Variants in TSPAN17 observed in about 807,000 individuals in gnomAD.
TSPAN17 encodes tetraspanin 17.
In TSPAN17, 33 loss-of-function variants were observed where a neutral mutation model predicts 40.5. The ratio of observed to expected loss-of-function variants is 0.81; its 90% CI spans 0.62 to 1.09. The LOEUF (loss-of-function observed/expected upper bound fraction) is 1.09, where lower values mean the gene tolerates loss of function less well. Among genes scored for constraint, TSPAN17 ranks in the 50% least tolerant of loss-of-function variants. The probability of loss-of-function intolerance (pLI) is 0.00; values close to 1 mark genes in which losing one functional copy is unlikely to be tolerated. For synonymous variants in TSPAN17, 166 were observed against 169.4 expected, an observed-to-expected ratio of 0.98 and a Z score of 0.15; for missense variants, 365 against 416.8, an observed-to-expected ratio of 0.88 and a Z score of 1.08.
Position 176,652,726 on chromosome 5 carries a change from T to C in TSPAN17, c.286-17T>C. On this transcript the variant is annotated splice_polypyrimidine_tract_variant and intron_variant, in intron 3 of 8. Coordinates refer to ENST00000508164, the MANE Select transcript of TSPAN17 (RefSeq NM_130465.5). ...CCCTGCGTTTCCAACCCCTACTGTC[T>C]GTATGCCCAACCCCAGTTCTCCGTG... 1 of 1,613,798 alleles carries C rather than the reference T, an allele frequency of 6.2e-7. No homozygotes were observed.
Position 176,654,803 on chromosome 5 carries a change from C to A in TSPAN17, c.457-92C>A. On this transcript the variant is annotated intron_variant, in intron 4 of 8. Coordinates refer to ENST00000508164, the MANE Select transcript of TSPAN17 (RefSeq NM_130465.5). The surrounding 1 kb of genome is among the most constrained non-coding windows in gnomAD (Gnocchi z 4.3). ...GCTGTCCCAGCCCTGTCCCAGACAGCCCTGTATTCCTGCAGCCTGGGCTTG... is the reference window on the plus strand; with the variant it reads ...GCTGTCCCAGCCCTGTCCCAGACAGACCTGTATTCCTGCAGCCTGGGCTTG... 1.3e-6 allele frequency: 2 copies of A among 1,505,854 alleles called. No homozygotes were observed. The highest frequency in any genetic ancestry group is 9.0e-7 in the Non-Finnish European group (1 of 1,112,138). 93.3% of individuals were successfully genotyped at this position (1,505,854 alleles called of 1,614,324 possible).
At position 176,654,942 on chromosome 5, in the gene TSPAN17, C is replaced by T. The variant is rs756205243; in HGVS notation, c.504C>T (p.Ile168=). ...GCCCCAATGACTGGAACCTCAATAT[C>T]TACTTCAACTGCACTGACTTGAACC... ...ARGPNDWNLN[I]YFNCTDLNPS... The change falls in exon 5 of 9, where the codon ATC becomes ATT. Residue 168 remains isoleucine, a synonymous_variant. Coordinates refer to ENST00000508164, the MANE Select transcript of TSPAN17 (RefSeq NM_130465.5). The surrounding 1 kb of genome is among the most constrained non-coding windows in gnomAD (Gnocchi z 4.3). 1.2e-6 allele frequency: 2 copies of T among 1,613,824 alleles called. No homozygotes were observed. Among genetic ancestry groups the T allele is most frequent in the African/African-American group, 1.3e-5 (1 of 75,042 alleles).
At chr5:176,648,553 C>G (rs1291469003) in intron 1 of TSPAN17, among the ~76,000 whole-genome samples, 2 of 152,264 alleles carry the variant, frequency 1.3e-5, no homozygotes, top group East Asian at 3.8e-4. Flanking sequence ...TTCAGCAAGA[C>G]TCAGTGGCAC....
intron 4 of TSPAN17, 89 bp downstream of exon 4, chr5:176,653,002 TCCTTACCCA>T: frequency 7.0e-7 from 1 of 1,430,338 alleles, no homozygotes; most frequent in South Asian, 1.2e-5. Context: ...TGGGACCATC[TCCTTACCCA>T]CCTGGGCTAG....
intron 1 of TSPAN17, among the ~76,000 whole-genome samples, chr5:176,648,086 C>T (rs958921331): frequency 1.3e-5 from 2 of 152,206 alleles, no homozygotes; most frequent in Admixed American, 1.3e-4. Flanking sequence ...CTGGTTTAGC[C>T]GGTAAGGAGA....
At chr5:176,647,793 AAG>A in intron 1 of TSPAN17, 91 bp downstream of exon 1, 2 of 1,266,672 alleles carry the variant, frequency 1.6e-6, no homozygotes, top group South Asian at 1.4e-5. Context: ...TCCCTGCCCC[AAG>A]AGTTTGGAGC....
In TSPAN17 at chr5:176,651,580, C is replaced by A; in HGVS notation, c.88-36C>A. The A allele has an allele frequency of 6.3e-7, 1 of 1,594,070 alleles. No individual in the cohort carries two copies. The highest frequency in any genetic ancestry group is 8.6e-7 in the Non-Finnish European group (1 of 1,169,056). ...ATGAGGGGGGAGGGTCCTGGGGCTGCTCCCAGCCCTGAGCTCTTTGTTGCT... is the reference window on the plus strand; with the variant it reads ...ATGAGGGGGGAGGGTCCTGGGGCTGATCCCAGCCCTGAGCTCTTTGTTGCT... On this transcript the variant is annotated intron_variant, in intron 1 of 8. Transcript: ENST00000508164. This position sits in a 1 kb window ranked among gnomAD's most constrained non-coding sequence, Gnocchi z 4.5.
rs777977922 is a variant in TSPAN17, at chr5:176,654,851, T to TG, written c.457-41dup. 3.2e-5 allele frequency: 52 copies of TG among 1,607,978 alleles called. No homozygotes were observed. In the South Asian group the frequency reaches 5.3e-4, roughly 16 times the overall value. ...TTGTTCCCAAACAGGGTGAGGCTCC[T>TG]GGGATGGGCCTGGCTCACCTGGGGC... On this transcript the variant is annotated intron_variant, in intron 4 of 8. Coordinates refer to ENST00000508164, the MANE Select transcript of TSPAN17 (RefSeq NM_130465.5). The surrounding 1 kb of genome is among the most constrained non-coding windows in gnomAD (Gnocchi z 4.3).
intron 4 of TSPAN17, chr5:176,653,151 G>A (rs9313740): frequency 1 from 441,046 of 441,460 alleles, 220,318 homozygotes; most frequent in Middle Eastern, 1. Context: ...TGGGCTCCAC[G>A]CTAGCAGCTC....
At position 176,657,518 on chromosome 5, in the gene TSPAN17, G is replaced by A. The variant is rs1761204213; in HGVS notation, c.810G>A (p.Trp270Ter). ...TTTCTTTCTCTTGCTTGCCTCTCAG[G>A]AGCAAATGGAATGATGACTTTGAAA... ...VSDIKAVKANWSKWNDDFENH... is the reference protein window; with the variant it reads ...VSDIKAVKAN Residue 270 changes from tryptophan (W) to a stop codon, truncating the protein, a stop_gained and splice_region_variant, in exon 9 of 9, where the codon TGG (tryptophan) becomes TGA (stop). Transcript: ENST00000508164. LOFTEE classifies it low-confidence loss of function (END_TRUNC). 1 of 1,578,594 alleles carries A rather than the reference G, an allele frequency of 6.3e-7. No individual in the cohort carries two copies.
Position 176,651,500 on chromosome 5 carries a change from C to A in TSPAN17, c.88-116C>A. 1.8e-6 allele frequency: 2 copies of A among 1,137,386 alleles called. No homozygotes were observed. Among genetic ancestry groups the A allele is most frequent in the Non-Finnish European group, 2.4e-6 (2 of 816,356 alleles). 70.5% of individuals were successfully genotyped at this position (1,137,386 alleles called of 1,614,324 possible). On this transcript the variant is annotated intron_variant, in intron 1 of 8. Transcript: ENST00000508164. This position sits in a 1 kb window ranked among gnomAD's most constrained non-coding sequence, Gnocchi z 4.5. ...TGGAAAGGACCCCGGATCCCGTTCACAGCCCTTGTGCCTCTTCCTCTCTCC... is the reference window on the plus strand; with the variant it reads ...TGGAAAGGACCCCGGATCCCGTTCAAAGCCCTTGTGCCTCTTCCTCTCTCC...
chr5:176,651,589 C>T lies in TSPAN17; in HGVS notation c.88-27C>T. ...GAGGGTCCTGGGGCTGCTCCCAGCC[C>T]TGAGCTCTTTGTTGCTGCCCTTGCA... On this transcript the variant is annotated intron_variant, in intron 1 of 8. Coordinates refer to ENST00000508164, the MANE Select transcript of TSPAN17 (RefSeq NM_130465.5). The surrounding 1 kb of genome is among the most constrained non-coding windows in gnomAD (Gnocchi z 4.5). 11 of 1,606,100 alleles carry T rather than the reference C, an allele frequency of 6.8e-6. No individual in the cohort carries two copies. The highest frequency in any genetic ancestry group is 9.4e-6 in the Non-Finnish European group (11 of 1,175,758).
intron 1 of TSPAN17, 95 bp downstream of exon 1, chr5:176,647,797 GT>G (rs1363261374): frequency 2.4e-6 from 3 of 1,233,184 alleles, no homozygotes; most frequent in Non-Finnish European, 3.3e-6. Context: ...TGCCCCAAGA[GT>G]TTGGAGCTCG....
At chr5:176,655,194 A>G (rs1561918894) in intron 5 of TSPAN17, among the ~76,000 whole-genome samples, 174 bp downstream of exon 5, 1 of 152,176 alleles carries the variant, frequency 6.6e-6, no homozygotes, top group African/African-American at 2.4e-5. Context: ...TTCCCTGTTC[A>G]GCAAGACCTG....
In TSPAN17 at chr5:176,651,471, A is replaced by G; in HGVS notation, c.88-145A>G. 1.2e-6 allele frequency: 1 copy of G among 819,872 alleles called. No homozygotes were observed. The highest frequency in any genetic ancestry group is 2.7e-5 in the East Asian group (1 of 37,046). 50.8% of individuals were successfully genotyped at this position (819,872 alleles called of 1,614,324 possible). ...AGAAGCACTGGGATGTGTTCTTGGGAAGATGGAAAGGACCCCGGATCCCGT... is the reference window on the plus strand; with the variant it reads ...AGAAGCACTGGGATGTGTTCTTGGGGAGATGGAAAGGACCCCGGATCCCGT... On this transcript the variant is annotated intron_variant, in intron 1 of 8. Coordinates refer to ENST00000508164, the MANE Select transcript of TSPAN17 (RefSeq NM_130465.5). The surrounding 1 kb of genome is among the most constrained non-coding windows in gnomAD (Gnocchi z 4.5).
At chr5:176,656,837 G>C in intron 7 of TSPAN17, 21 bp downstream of exon 7, 1 of 1,614,102 alleles carries the variant, frequency 6.2e-7, no homozygotes, top group Non-Finnish European at 8.5e-7. Context: ...GGCCCCACGT[G>C]CCCCTCCCCT....
chr5:176,652,659 C>A, intron 3 of TSPAN17, 84 bp from the exon 4 acceptor site: 2 of 1,354,822 alleles, frequency 1.5e-6, no homozygotes, highest in South Asian at 1.3e-5. Flanking sequence ...AGGGATGGAG[C>A]CCTTCCCTGT....
Position 176,652,928 on chromosome 5 carries a change from C to T in TSPAN17, c.456+15C>T, listed in dbSNP as rs770620317. 1.9e-6 allele frequency: 3 copies of T among 1,613,074 alleles called. No homozygotes were observed. Among genetic ancestry groups the T allele is most frequent in the East Asian group, 4.5e-5 (2 of 44,898 alleles). The stretch of plus-strand genomic sequence containing the variant: ...CTCAGGAATACGTGAGTCCAGTGTC[C>T]AGCCTGGGACACCTGTAGGAGGCGC... On this transcript the variant is annotated intron_variant, in intron 4 of 8. Coordinates refer to ENST00000508164, the MANE Select transcript of TSPAN17 (RefSeq NM_130465.5).
rs560934929 is a variant in TSPAN17 at position 176,652,682 on chromosome 5, C to G, written c.286-61C>G. ...AGCCCTTCCCTGTGGCACACCCAAG[C>G]CCTGGGAGGTCACCAGAGCCCTGCG... On this transcript the variant is annotated intron_variant, in intron 3 of 8. Transcript: ENST00000508164. 3 of 1,556,450 alleles carry G rather than the reference C, an allele frequency of 1.9e-6. No individual in the cohort carries two copies. The African/African-American group carries it at 4.1e-5, about 21-fold the overall frequency.
Sources: allele counts gnomAD v4.1 joint callset (sites outside exome capture counted in the v4.1 genomes callset), GRCh38; gene constraint gnomAD v4.1.1; non-coding constraint Gnocchi (gnomAD v3.1); transcripts MANE v1.5; gene names NCBI Gene and HGNC (gene_info 2026-07-23, HGNC 2026-07-21).